GUF1: variants seen among roughly 807,000 people sequenced by gnomAD.
GUF1 encodes the protein GTP binding elongation factor GUF1.
Under a neutral mutation model 82.4 loss-of-function variants are expected in GUF1, and 78 were observed. That is an observed-to-expected ratio of 0.95 (90% CI 0.79 to 1.14). GUF1 has a LOEUF of 1.14. Ranked by LOEUF, GUF1 falls within the 50% of genes most tolerant of loss-of-function variation. GUF1 has a pLI of 0.00. For missense variants in GUF1, 814 were observed against 798.2 expected, an observed-to-expected ratio of 1.02 and a Z score of -0.24; for synonymous variants, 279 against 282.3, an observed-to-expected ratio of 0.99 and a Z score of 0.12.
intron 15 of GUF1, among the ~76,000 whole-genome samples, chr4:44,696,531 C>T (rs930202567): frequency 9.9e-5 from 15 of 152,108 alleles, no homozygotes; most frequent in African/African-American, 3.6e-4. Context: ...CTTAATGATC[C>T]TAAGACTTCT....
chr4:44,688,510 C>T (rs1443214067), intron 9 of GUF1, among the ~76,000 whole-genome samples: 3 of 151,846 alleles, frequency 2.0e-5, no homozygotes, highest in South Asian at 4.1e-4. Flanking sequence ...GTGCCTTCAT[C>T]TTCGATAGAC....
chr4:44,695,026 C>G (rs1313693913), intron 14 of GUF1, among the ~76,000 whole-genome samples: 1 of 152,028 alleles, frequency 6.6e-6, no homozygotes, highest in African/African-American at 2.4e-5. Flanking sequence ...AGGATGGTCT[C>G]GATCTCTTGA....
chr4:44,678,717 C>G lies in GUF1; in HGVS notation c.95C>G (p.Ser32Cys). The G allele has an allele frequency of 6.6e-7, 1 of 1,514,694 alleles. No homozygotes were observed. Among genetic ancestry groups the G allele is most frequent in the Non-Finnish European group, 8.7e-7 (1 of 1,144,810 alleles). 93.8% of individuals were successfully genotyped at this position (1,514,694 alleles called of 1,614,324 possible). A position where few individuals can be genotyped will look rare whatever the true frequency, so the allele number is the denominator to read the frequency against. Residue 32 changes from serine (S) to cysteine (C), a missense_variant, in exon 1 of 17, where the codon TCC becomes TGC. Transcript: ENST00000281543. ...CTTCTGGTGGCCCCGGGGCCCCGGT[C>G]CGCGCCGACCCTTGGGGCTGCTCCA... ...AALLVAPGPR[S>C]APTLGAAPES...
chr4:44,692,775 T>G (rs1275293632), intron 13 of GUF1, among the ~76,000 whole-genome samples: 1 of 151,980 alleles, frequency 6.6e-6, no homozygotes, highest in Non-Finnish European at 1.5e-5. Flanking sequence ...ATGTCTTCTT[T>G]CAGACAAGAC....
chr4:44,700,063 T>A lies in GUF1; in HGVS notation c.*1382T>A, dbSNP rs1716125446. The stretch of plus-strand genomic sequence containing the variant: ...CAAGACAACATCATTTAGCCATTGA[T>A]TTTTATCTTCTACCTTGAATGAATT... On this transcript the variant is annotated 3_prime_UTR_variant, in exon 17 of 17. Transcript: ENST00000281543. 2.0e-5 allele frequency: 3 copies of A among 152,346 alleles called. No homozygotes were observed. Among genetic ancestry groups the A allele is most frequent in the Admixed American group, 2.0e-4 (3 of 15,306 alleles). 9.4% of individuals were successfully genotyped at this position (152,346 alleles called of 1,614,324 possible). A position where few individuals can be genotyped will look rare whatever the true frequency, so the allele number is the denominator to read the frequency against.
chr4:44,678,932 C>A, intron 1 of GUF1, 145 bp downstream of exon 1: 2 of 796,972 alleles, frequency 2.5e-6, no homozygotes, highest in South Asian at 2.2e-5. Flanking sequence ...AGAGTGTGAG[C>A]ACTGCTCAGG....
In GUF1 at chr4:44,689,256, C is replaced by T. The variant is rs116191569; in HGVS notation, c.1079-30C>T. On this transcript the variant is annotated intron_variant, in intron 9 of 16. Coordinates refer to ENST00000281543, the MANE Select transcript of GUF1 (RefSeq NM_021927.3). ...TGATAGGTCTGTAGGCAGCTTATCA[C>T]GTGATAATTAGAAATCATTGTATCC... The T allele has an allele frequency of 5.4e-3, 8,238 of 1,536,006 alleles. 27 individuals carry two copies. Among genetic ancestry groups the T allele is most frequent in the Non-Finnish European group, 6.4e-3 (7,320 of 1,137,826 alleles).
chr4:44,697,409 G>C lies in GUF1; in HGVS notation c.1837G>C (p.Val613Leu). 3 of 1,559,060 alleles carry C rather than the reference G, an allele frequency of 1.9e-6. No individual in the cohort carries two copies. Among genetic ancestry groups the C allele is most frequent in the Non-Finnish European group, 2.6e-6 (3 of 1,141,136 alleles). Residue 613 changes from valine (V) to leucine (L), a missense_variant and splice_region_variant, in exon 16 of 17, where the codon GTG becomes CTG. Transcript: ENST00000281543. ...TAAACGAATTTTTCTCTTTTACAGTGTGAAAGCCTATAGGAAAAACGTTTT... is the reference window on the plus strand; with the variant it reads ...TAAACGAATTTTTCTCTTTTACAGTCTGAAAGCCTATAGGAAAAACGTTTT... ...IGSKIIARET[V>L]KAYRKNVLAK...
At chr4:44,697,573 G>A (rs906245003) in intron 16 of GUF1, 129 bp downstream of exon 16, 24 of 444,036 alleles carry the variant, frequency 5.4e-5, no homozygotes, top group Non-Finnish European at 9.0e-5. Flanking sequence ...TTTTTGAATA[G>A]GTAAATTTCA....
At chr4:44,686,429 C>CA in intron 7 of GUF1, 81 bp from the exon 8 acceptor site, 1 of 836,384 alleles carries the variant, frequency 1.2e-6, no homozygotes, top group Non-Finnish European at 1.8e-6. Context: ...AACTCAAGTA[C>CA]AATATCTAAG....
intron 1 of GUF1, among the ~76,000 whole-genome samples, chr4:44,679,926 T>C (rs1055467385): frequency 3.9e-5 from 6 of 152,204 alleles, no homozygotes; most frequent in African/African-American, 1.4e-4. Flanking sequence ...TTGTTGGATG[T>C]CATCTTTTTT....
intron 4 of GUF1, among the ~76,000 whole-genome samples, chr4:44,681,819 A>G (rs558680164): frequency 4.6e-5 from 7 of 152,194 alleles, no homozygotes; most frequent in African/African-American, 9.6e-5. Context: ...AGGAAAGTCA[A>G]TCTCTACCTT....
At chr4:44,681,090 A>T in intron 3 of GUF1, 33 bp from the exon 4 acceptor site, 2 of 1,543,534 alleles carry the variant, frequency 1.3e-6, no homozygotes, top group South Asian at 1.1e-5. Flanking sequence ...AAATTAACTC[A>T]CATTTACAGG....
At chr4:44,696,157 G>T (rs747972697) in intron 15 of GUF1, among the ~76,000 whole-genome samples, 1 of 151,902 alleles carries the variant, frequency 6.6e-6, no homozygotes, top group Admixed American at 6.6e-5. Flanking sequence ...CCCCACTTCC[G>T]CAGAGCTAGG....
In GUF1 at chr4:44,690,987, A is replaced by G. The variant is rs535341365; in HGVS notation, c.1479+127A>G. 111 of 509,310 alleles carry G rather than the reference A, an allele frequency of 2.2e-4. 4 individuals are homozygous for G. The South Asian group carries it at 4.7e-3, about 21-fold the overall frequency. The allele number at this position is 509,310 out of a possible 1,614,324, so 31.5% of individuals were successfully genotyped here. ...AATTTAATGAGATTTTCATATATAT[A>G]TCTGTCTATATCTATACACATAGAT... On this transcript the variant is annotated intron_variant, in intron 12 of 16. Transcript: ENST00000281543.
chr4:44,697,617 A>G (rs1449840194), intron 16 of GUF1, among the ~76,000 whole-genome samples, 173 bp downstream of exon 16: 1 of 152,080 alleles, frequency 6.6e-6, no homozygotes, highest in Admixed American at 6.6e-5. Context: ...TTTTGCCCAT[A>G]TCTTTTAAGT....
At chr4:44,690,950 C>T (rs1285126287) in intron 12 of GUF1, 90 bp downstream of exon 12, 37 of 841,882 alleles carry the variant, frequency 4.4e-5, no homozygotes, top group Non-Finnish European at 1.8e-6. Context: ...TTTCTTTCTG[C>T]TGAGCATACT....
chr4:44,685,333 CAA>C (rs1318066675), intron 6 of GUF1, among the ~76,000 whole-genome samples: 3 of 152,020 alleles, frequency 2.0e-5, no homozygotes, highest in South Asian at 2.1e-4. Flanking sequence ...CCTCCCAAAA[CAA>C]AGAATTATCT....
chr4:44,680,219 A>T (rs1714682851), intron 1 of GUF1, among the ~76,000 whole-genome samples: 1 of 152,148 alleles, frequency 6.6e-6, no homozygotes, highest in Non-Finnish European at 1.5e-5. Flanking sequence ...AGAAATGTTA[A>T]GGGATTATGA....
Sources: allele counts gnomAD v4.1 joint callset (sites outside exome capture counted in the v4.1 genomes callset), GRCh38; gene constraint gnomAD v4.1.1; transcripts MANE v1.5; gene names NCBI Gene and HGNC (gene_info 2026-07-23, HGNC 2026-07-21).